CPEB4: variants seen among roughly 807,000 people sequenced by gnomAD.
CPEB4 encodes the protein cytoplasmic polyadenylation element-binding protein 4.
A neutral mutation model predicts 72.5 loss-of-function variants in CPEB4; 12 were observed. The observed-to-expected ratio is 0.17, with a 90% confidence interval of 0.11 to 0.27. The LOEUF is 0.27. Among genes scored for constraint, CPEB4 ranks in the 10% least tolerant of loss-of-function variants. The pLI is 1.00. For missense variants in CPEB4, 614 were observed against 908.5 expected, an observed-to-expected ratio of 0.68 and a Z score of 4.17; for synonymous variants, 302 against 326.3, an observed-to-expected ratio of 0.93 and a Z score of 0.80.
At chr5:173,912,029 A>G (rs1756683590) in intron 2 of CPEB4, among the ~76,000 whole-genome samples, 1 of 147,734 alleles carries the variant, frequency 6.8e-6, no homozygotes. Context: ...GAAGAAAAAT[A>G]ATGTGTAAAA....
chr5:173,953,322 G>T, intron 9 of CPEB4, 50 bp downstream of exon 9: 1 of 1,337,814 alleles, frequency 7.5e-7, no homozygotes, highest in South Asian at 1.8e-5. Context: ...TCCTCTAAAT[G>T]TGTGATTACC....
intron 2 of CPEB4, among the ~76,000 whole-genome samples, chr5:173,921,031 G>C (rs1757054305): frequency 6.6e-6 from 1 of 152,170 alleles, no homozygotes; most frequent in South Asian, 2.1e-4. Context: ...ATTTGATAGA[G>C]CCTGTGAACC....
At chr5:173,907,389 A>G (rs932561286) in intron 1 of CPEB4, among the ~76,000 whole-genome samples, 10 of 152,360 alleles carry the variant, frequency 6.6e-5, no homozygotes, top group African/African-American at 2.4e-4. Flanking sequence ...CAAACCAAAC[A>G]AAACCAGTCT....
chr5:173,890,430 C>A lies in CPEB4; in HGVS notation c.697C>A (p.His233Asn), dbSNP rs1463468202. The A allele has an allele frequency of 1.2e-6, 2 of 1,613,254 alleles. No homozygotes were observed. The highest frequency in any genetic ancestry group is 1.7e-6 in the Non-Finnish European group (2 of 1,179,598). ...SPQIGPLSQH[H>N]PHHPHFQHHH... Reference sequence around the variant, plus strand: ...TCAGATCGGGCCTCTCTCACAGCACCACCCACATCACCCTCATTTCCAGCA... The same window carrying A: ...TCAGATCGGGCCTCTCTCACAGCACAACCCACATCACCCTCATTTCCAGCA... Residue 233 changes from histidine (H) to asparagine (N), a missense_variant, in exon 1 of 10, where the codon CAC (histidine) becomes AAC (asparagine). Physicochemically the swap from His to Asn is moderately conservative, Grantham distance 68. This residue lies in a region of CPEB4 where 458 missense variants were observed against 548.6 expected (regional missense o/e 0.83). Transcript: ENST00000265085.
Position 173,943,039 on chromosome 5 carries a change from G to T in CPEB4, c.1272G>T (p.Gly424=). ...SSLLINARTY[G]RRRGQSSLFP... ...TTTGACATGCAGCAAGGACATATGG[G>T]CGAAGGAGAGGTAACATTGTTTTTA... The change falls in exon 4 of 10, where the codon GGG becomes GGT. Residue 424 remains glycine, a synonymous_variant. Coordinates refer to ENST00000265085, the MANE Select transcript of CPEB4 (RefSeq NM_030627.4). 1 of 1,611,516 alleles carries T rather than the reference G, an allele frequency of 6.2e-7. No homozygotes were observed. Among genetic ancestry groups the T allele is most frequent in the Non-Finnish European group, 8.5e-7 (1 of 1,178,900 alleles).
At chr5:173,921,386 G>T (rs1386088185) in intron 2 of CPEB4, among the ~76,000 whole-genome samples, 1 of 152,068 alleles carries the variant, frequency 6.6e-6, no homozygotes, top group Non-Finnish European at 1.5e-5. Flanking sequence ...AATGCTCCTT[G>T]TTACAAAAAA....
rs576671896 is a variant in CPEB4, at chr5:173,894,866, G to GA, written c.1125+4014dup. On this transcript the variant is annotated intron_variant, in intron 1 of 9. Transcript: ENST00000265085. ...CTCCCAGACGCATGTAAGATGAGAG[G>GA]AAAAAATTTTACAGTGATACATGAT... 3.4e-4 allele frequency among the ~76,000 whole-genome samples: 52 copies of GA among 152,180 alleles called. 1 individual carries two copies. In the East Asian group the frequency reaches 9.1e-3, roughly 27 times the overall value.
At chr5:173,947,283 A>AT (rs948432815) in intron 5 of CPEB4, among the ~76,000 whole-genome samples, 2 of 151,992 alleles carry the variant, frequency 1.3e-5, no homozygotes, top group African/African-American at 4.8e-5. Flanking sequence ...CTTGTCTATC[A>AT]TTTTTTCCCA....
chr5:173,905,327 A>C (rs1453861100), intron 1 of CPEB4, among the ~76,000 whole-genome samples: 1 of 151,890 alleles, frequency 6.6e-6, no homozygotes, highest in Non-Finnish European at 1.5e-5. Context: ...AGCATAATTA[A>C]AATGCCATGA....
At chr5:173,895,120 C>T (rs1457553198) in intron 1 of CPEB4, among the ~76,000 whole-genome samples, 1 of 151,716 alleles carries the variant, frequency 6.6e-6, no homozygotes, top group Non-Finnish European at 1.5e-5. Context: ...GTCCCAATTT[C>T]AAAATGAAGG....
chr5:173,895,873 A>G (rs1283079834), intron 1 of CPEB4, among the ~76,000 whole-genome samples: 3 of 152,148 alleles, frequency 2.0e-5, no homozygotes, highest in Non-Finnish European at 4.4e-5. Flanking sequence ...CAGAGAAGCC[A>G]TGGAATATGA....
chr5:173,893,708 A>T (rs993199412), intron 1 of CPEB4, among the ~76,000 whole-genome samples: 6 of 152,232 alleles, frequency 3.9e-5, no homozygotes, highest in African/African-American at 1.4e-4. Context: ...TTATTGTTAT[A>T]TTGAAAGGAA....
In CPEB4 at chr5:173,959,997, T is replaced by C. The variant is rs1758498282; in HGVS notation, c.*3860T>C. The stretch of plus-strand genomic sequence containing the variant: ...AGGAAAAGTTATTTAAGTATGTCAG[T>C]TAATTGTACTACTTGGCTGAATTTC... On this transcript the variant is annotated 3_prime_UTR_variant, in exon 10 of 10. Transcript: ENST00000265085. 1 of 152,692 alleles carries C rather than the reference T, an allele frequency of 6.5e-6. No individual in the cohort carries two copies. The highest frequency in any genetic ancestry group is 1.5e-5 in the Non-Finnish European group (1 of 68,000). The allele number at this position is 152,692 out of a possible 1,614,324, so 9.5% of individuals were successfully genotyped here.
intron 3 of CPEB4, among the ~76,000 whole-genome samples, chr5:173,939,200 A>AAATGTAC (rs1481803822): frequency 1.3e-5 from 2 of 152,214 alleles, no homozygotes; most frequent in Non-Finnish European, 2.9e-5. Flanking sequence ...CTTTATTTTT[A>AAATGTAC]AATGTACACA....
chr5:173,961,870 TAAAC>T lies in CPEB4; in HGVS notation c.*5736_*5739del, dbSNP rs893899127. The T allele has an allele frequency of 5.9e-5, 9 of 151,470 alleles. No individual in the cohort carries two copies. The highest frequency in any genetic ancestry group is 1.9e-4 in the African/African-American group (8 of 41,326). 9.4% of individuals were successfully genotyped at this position (151,470 alleles called of 1,614,324 possible). ...TCTGAAATGTGTAATAACCGAATAA[TAAAC>T]AAGACAAAACTCTAATATTTCAGAC... On this transcript the variant is annotated 3_prime_UTR_variant, in exon 10 of 10. Coordinates refer to ENST00000265085, the MANE Select transcript of CPEB4 (RefSeq NM_030627.4).
chr5:173,892,997 C>CTCTG (rs1245619860), intron 1 of CPEB4: 8 of 139,760 alleles, frequency 5.7e-5, no homozygotes, highest in African/African-American at 2.0e-4. Flanking sequence ...ATTTGTAGCT[C>CTCTG]TGTGTGTGTG....
At chr5:173,952,089 G>A in intron 8 of CPEB4, 151 bp downstream of exon 8, 2 of 600,190 alleles carry the variant, frequency 3.3e-6, no homozygotes, top group Non-Finnish European at 6.0e-6. Context: ...TGTTCTAATA[G>A]TTAAGTGACC....
intron 9 of CPEB4, among the ~76,000 whole-genome samples, chr5:173,954,560 A>G (rs1452516874): frequency 6.6e-6 from 1 of 152,122 alleles, no homozygotes; most frequent in African/African-American, 2.4e-5. Context: ...TTTAGTGGAG[A>G]CAGGGTTTCA....
Position 173,958,197 on chromosome 5 carries a change from C to G in CPEB4, c.*2060C>G, listed in dbSNP as rs1011064481. On this transcript the variant is annotated 3_prime_UTR_variant, in exon 10 of 10. Coordinates refer to ENST00000265085, the MANE Select transcript of CPEB4 (RefSeq NM_030627.4). Reference sequence around the variant, plus strand: ...TTGAATAATAATTTTTCCCTTTGTACATGACCTGCTGAATTTCGGTACAGT... The same window carrying G: ...TTGAATAATAATTTTTCCCTTTGTAGATGACCTGCTGAATTTCGGTACAGT... 2.0e-5 allele frequency: 3 copies of G among 152,762 alleles called. No homozygotes were observed. Among genetic ancestry groups the G allele is most frequent in the Non-Finnish European group, 4.4e-5 (3 of 68,034 alleles). The allele number at this position is 152,762 out of a possible 1,614,324, so 9.5% of individuals were successfully genotyped here. A position where few individuals can be genotyped will look rare whatever the true frequency, so the allele number is the denominator to read the frequency against.
Sources: gnomAD v4.1 joint callset for allele counts (sites outside exome capture counted in the v4.1 genomes callset) on GRCh38, gnomAD v4.1.1 for gene constraint, gnomAD v4.1.1 regional missense constraint, MANE v1.5 for transcripts, NCBI Gene and HGNC (gene_info 2026-07-23, HGNC 2026-07-21) for gene names.